The following EHMT1 variants were observed in gnomAD, a reference collection of about 807,000 sequenced individuals.
EHMT1 encodes the protein euchromatic histone lysine methyltransferase 1.
Under a neutral mutation model 147.2 loss-of-function variants are expected in EHMT1, and 15 were observed. The ratio of observed to expected loss-of-function variants is 0.10; its 90% CI spans 0.07 to 0.16. EHMT1 has a LOEUF of 0.16. EHMT1 is among the 10% of genes least tolerant of loss of function. The probability of loss-of-function intolerance (pLI) is 1.00; values close to 1 mark genes in which losing one functional copy is unlikely to be tolerated. For synonymous variants in EHMT1, 795 were observed against 709.6 expected (o/e 1.12, Z -1.91); for missense variants, 1,587 against 1,772.4 (o/e 0.90, Z 1.88).
intron 25 of EHMT1, among the ~76,000 whole-genome samples, chr9:137,825,247 T>C (rs940831362): frequency 6.6e-6 from 1 of 152,182 alleles, no homozygotes; most frequent in Non-Finnish European, 1.5e-5. Flanking sequence ...AGGGGATGGG[T>C]TGATACAAGG....
At chr9:137,795,703 T>C (rs1256976929) in intron 16 of EHMT1, among the ~76,000 whole-genome samples, 1 of 152,112 alleles carries the variant, frequency 6.6e-6, no homozygotes, top group Admixed American at 6.5e-5. Context: ...ATTGACGACC[T>C]GCTGTGAAAT....
At chr9:137,682,999 G>A (rs1942106405) in intron 1 of EHMT1, among the ~76,000 whole-genome samples, 1 of 152,224 alleles carries the variant, frequency 6.6e-6, no homozygotes, top group Non-Finnish European at 1.5e-5. Flanking sequence ...CCTTAACTCT[G>A]GGTTTGCAGG....
intron 4 of EHMT1, 27 bp from the exon 5 acceptor site, chr9:137,743,344 C>G (rs1948268140): frequency 6.4e-7 from 1 of 1,565,786 alleles, no homozygotes; most frequent in African/African-American, 1.4e-5. Context: ...TTTCTTGTCC[C>G]CTTTTGACTT....
At chr9:137,642,435 A>G (rs1057095002) in intron 1 of EHMT1, among the ~76,000 whole-genome samples, 5 of 152,152 alleles carry the variant, frequency 3.3e-5, no homozygotes, top group Non-Finnish European at 7.4e-5. Flanking sequence ...CCTCCTGAGT[A>G]GCTGGGACTG....
At chr9:137,678,797 C>A (rs944373250) in intron 1 of EHMT1, among the ~76,000 whole-genome samples, 1 of 150,898 alleles carries the variant, frequency 6.6e-6, no homozygotes, top group African/African-American at 2.4e-5. Flanking sequence ...AGACGGCTGC[C>A]CAGCAGCTGG....
chr9:137,666,661 G>A (rs950346031), intron 1 of EHMT1, among the ~76,000 whole-genome samples: 2 of 152,320 alleles, frequency 1.3e-5, no homozygotes, highest in African/African-American at 2.4e-5. Flanking sequence ...GGAGAGCTGG[G>A]AACAGAGCCT....
intron 5 of EHMT1, 34 bp downstream of exon 5, chr9:137,743,562 G>A: frequency 6.2e-7 from 1 of 1,613,636 alleles, no homozygotes; most frequent in Non-Finnish European, 8.5e-7. Flanking sequence ...TGCCACGTGT[G>A]CGTGGAAATG....
intron 15 of EHMT1, among the ~76,000 whole-genome samples, chr9:137,790,602 A>T (rs1952452185): frequency 1.3e-5 from 2 of 152,214 alleles, no homozygotes; most frequent in Non-Finnish European, 2.9e-5. Flanking sequence ...CCTGAGCTAT[A>T]AACATTTACT....
intron 25 of EHMT1, among the ~76,000 whole-genome samples, chr9:137,831,612 G>T (rs767711223): frequency 3.2e-4 from 49 of 152,206 alleles, no homozygotes; most frequent in Admixed American, 1.6e-3. Context: ...ATATTTTCAT[G>T]CCTTGAAATC....
rs77806393 is a variant in EHMT1 at position 137,691,611 on chromosome 9, T to C, written c.22-19356T>C. On this transcript the variant is annotated intron_variant, in intron 1 of 26. Transcript: ENST00000460843. ...TGTGAACATGGTGTGTAAATATCTC[T>C]TTGAGACCCTGCTTTCAATTGCTAG... Among the ~76,000 whole-genome samples, 62 of 152,312 alleles carry C rather than the reference T, an allele frequency of 4.1e-4. 2 individuals are homozygous for C. In the East Asian group the frequency reaches 6.4e-3, roughly 16 times the overall value.
chr9:137,641,705 C>A (rs1844498672), intron 1 of EHMT1, among the ~76,000 whole-genome samples: 1 of 152,328 alleles, frequency 6.6e-6, no homozygotes, highest in South Asian at 2.1e-4. Context: ...CTGTCAGGGG[C>A]TGGCGCCATG....
chr9:137,832,358 C>G (rs1463673515), intron 25 of EHMT1, among the ~76,000 whole-genome samples: 1 of 150,428 alleles, frequency 6.6e-6, no homozygotes, highest in Non-Finnish European at 1.5e-5. Context: ...GGCCTCTGCA[C>G]CTCGCTCCCG....
rs1403954879 is a variant in EHMT1, at chr9:137,790,983, G to C, written c.2505+13G>C. 2 of 1,614,082 alleles carry C rather than the reference G, an allele frequency of 1.2e-6. No homozygotes were observed. Among genetic ancestry groups the C allele is most frequent in the African/African-American group, 1.3e-5 (1 of 74,924 alleles). On this transcript the variant is annotated intron_variant, in intron 16 of 26. Coordinates refer to ENST00000460843, the MANE Select transcript of EHMT1 (RefSeq NM_024757.5). ...GGTGGATCCCAAGGTATGTTCCCCT[G>C]TCAGAATCAACGTCCTAGTGTGTGT...
At chr9:137,803,257 A>G (rs1239654377) in intron 18 of EHMT1, 1 of 1,056,056 alleles carries the variant, frequency 9.5e-7, no homozygotes, top group Non-Finnish European at 1.1e-6. Context: ...GGCTGCATAT[A>G]TTCAAAGTAC....
intron 19 of EHMT1, among the ~76,000 whole-genome samples, chr9:137,812,096 T>C (rs553072888): frequency 6.5e-4 from 99 of 152,310 alleles, no homozygotes; most frequent in African/African-American, 2.3e-3. Context: ...CCCAGCACTT[T>C]GGGAGGCTGA....
intron 1 of EHMT1, among the ~76,000 whole-genome samples, chr9:137,629,425 G>C (rs546227013): frequency 6.9e-6 from 1 of 145,888 alleles, no homozygotes; most frequent in Non-Finnish European, 1.5e-5. Context: ...ATGGAGTCTC[G>C]CTCTGTTGCC....
chr9:137,758,332 T>A (rs577702505), intron 9 of EHMT1, among the ~76,000 whole-genome samples: 4 of 152,240 alleles, frequency 2.6e-5, no homozygotes, highest in Admixed American at 6.5e-5. Flanking sequence ...CCTGGTGGCA[T>A]CTCAGGACAC....
chr9:137,687,609 CAG>C (rs1036700581), intron 1 of EHMT1, among the ~76,000 whole-genome samples: 3 of 152,216 alleles, frequency 2.0e-5, no homozygotes, highest in Non-Finnish European at 4.4e-5. Context: ...TGTCATGAGG[CAG>C]AGTTTTCATG....
intron 14 of EHMT1, among the ~76,000 whole-genome samples, chr9:137,781,697 G>A (rs1228826508): frequency 1.3e-5 from 2 of 152,204 alleles, no homozygotes; most frequent in Non-Finnish European, 2.9e-5. Context: ...GACGTTCATC[G>A]TCTCTGGGTT....
Sources: gnomAD v4.1 joint callset for allele counts (sites outside exome capture counted in the v4.1 genomes callset) on GRCh38, gnomAD v4.1.1 for gene constraint, MANE v1.5 for transcripts, NCBI Gene and HGNC (gene_info 2026-07-23, HGNC 2026-07-21) for gene names.